Variants in USH2A observed in about 807,000 individuals in gnomAD.
The protein encoded by USH2A is usherin, also known as Usher syndrome 2A (autosomal recessive, mild).
In USH2A, 443 loss-of-function variants were observed where a neutral mutation model predicts 538.9. The observed-to-expected ratio is 0.82, with a 90% CI of 0.76 to 0.89. USH2A has a LOEUF of 0.89. Among genes scored for constraint, USH2A ranks in the 40% least tolerant of loss-of-function variants. The pLI, the probability that USH2A is intolerant of heterozygous loss-of-function variation, is 0.00. For missense variants in USH2A, 6,633 were observed against 6,324.8 expected (o/e 1.05, Z -1.65); for synonymous variants, 2,413 against 2,273.5 (o/e 1.06, Z -1.75).
At chr1:215,821,961 A>C (rs917995288) in intron 47 of USH2A, among the ~76,000 whole-genome samples, 13 of 151,752 alleles carry the variant, frequency 8.6e-5, no homozygotes, top group African/African-American at 2.9e-4. Flanking sequence ...TGGGTTCTCT[A>C]TTCTATTCCA....
intron 3 of USH2A, among the ~76,000 whole-genome samples, chr1:216,407,808 A>G (rs2039420453): frequency 6.6e-6 from 1 of 152,164 alleles, no homozygotes; most frequent in Non-Finnish European, 1.5e-5. Flanking sequence ...TGAAAATGAT[A>G]TAATATAAAT....
intron 38 of USH2A, among the ~76,000 whole-genome samples, chr1:215,905,111 C>A (rs564109726): frequency 6.6e-6 from 1 of 152,032 alleles, no homozygotes; most frequent in East Asian, 1.9e-4. Flanking sequence ...TTGCTCCCTG[C>A]AGATTTATAA....
chr1:216,044,698 C>T (rs1464699661), intron 32 of USH2A, among the ~76,000 whole-genome samples: 1 of 151,984 alleles, frequency 6.6e-6, no homozygotes, highest in Non-Finnish European at 1.5e-5. Flanking sequence ...CAAGTTAAAA[C>T]ACTTGTTTTT....
intron 49 of USH2A, among the ~76,000 whole-genome samples, chr1:215,812,764 A>G (rs1479054548): frequency 1.3e-5 from 2 of 152,194 alleles, no homozygotes; most frequent in African/African-American, 4.8e-5. Flanking sequence ...TGCAGGATAA[A>G]TTGTAACTGA....
chr1:216,179,196 G>A (rs965839017), intron 20 of USH2A, among the ~76,000 whole-genome samples: 3 of 151,946 alleles, frequency 2.0e-5, no homozygotes, highest in Admixed American at 1.3e-4. Context: ...CAAAAATTAC[G>A]TCTTAAACAG....
At chr1:215,773,671 A>G (rs1661369478) in intron 55 of USH2A, among the ~76,000 whole-genome samples, 1 of 152,014 alleles carries the variant, frequency 6.6e-6, no homozygotes, top group African/African-American at 2.4e-5. Context: ...CAGAGTATAT[A>G]CCCAGACAAC....
chr1:215,791,375 G>C (rs1006995601), intron 50 of USH2A, among the ~76,000 whole-genome samples: 21 of 151,986 alleles, frequency 1.4e-4, no homozygotes, highest in Admixed American at 7.9e-4. Flanking sequence ...GTTTAATCTG[G>C]TCCTGTGTAA....
chr1:215,837,948 C>T (rs1571735123), intron 47 of USH2A, 43 bp downstream of exon 47: 1 of 1,441,772 alleles, frequency 6.9e-7, no homozygotes, highest in East Asian at 2.3e-5. Flanking sequence ...TTCATTTCTT[C>T]TGATCAGAGT....
chr1:216,239,839 G>T (rs183919724), intron 13 of USH2A, among the ~76,000 whole-genome samples: 1 of 152,198 alleles, frequency 6.6e-6, no homozygotes, highest in Admixed American at 6.5e-5. Context: ...AAAATCAGCA[G>T]AATTGGTTTT....
At chr1:216,308,445 C>T (rs1558031313) in intron 9 of USH2A, among the ~76,000 whole-genome samples, 1 of 152,070 alleles carries the variant, frequency 6.6e-6, no homozygotes, top group African/African-American at 2.4e-5. Flanking sequence ...TAAAGTTGCA[C>T]ATGTCTTTAC....
chr1:216,322,612 A>T (rs2037640219), intron 8 of USH2A, among the ~76,000 whole-genome samples: 1 of 151,952 alleles, frequency 6.6e-6, no homozygotes, highest in African/African-American at 2.4e-5. Flanking sequence ...GTCAAAAAAA[A>T]AAAAAAAAGA....
intron 9 of USH2A, among the ~76,000 whole-genome samples, chr1:216,300,014 T>C (rs1354225944): frequency 6.6e-6 from 1 of 152,242 alleles, no homozygotes; most frequent in Non-Finnish European, 1.5e-5. Context: ...GAATACTTTG[T>C]AGTCTATTCT....
intron 47 of USH2A, among the ~76,000 whole-genome samples, chr1:215,837,631 C>A (rs1663568921): frequency 6.6e-6 from 1 of 151,794 alleles, no homozygotes; most frequent in South Asian, 2.1e-4. Context: ...GTATATAAAT[C>A]AATTTTTTTT....
At chr1:216,370,356 ATC>A (rs1276137196) in intron 3 of USH2A, among the ~76,000 whole-genome samples, 3 of 144,932 alleles carry the variant, frequency 2.1e-5, no homozygotes, top group African/African-American at 7.8e-5. Flanking sequence ...GTGAGACTCT[ATC>A]CAAAAAAAGA....
intron 11 of USH2A, among the ~76,000 whole-genome samples, chr1:216,268,248 TA>T (rs1297293404): frequency 6.6e-6 from 1 of 152,030 alleles, no homozygotes; most frequent in Non-Finnish European, 1.5e-5. Context: ...CTAAATGATA[TA>T]AATTCCTGGA....
intron 9 of USH2A, among the ~76,000 whole-genome samples, chr1:216,317,683 C>G (rs775785183): frequency 4.2e-5 from 6 of 142,166 alleles, no homozygotes; most frequent in Non-Finnish European, 9.3e-5. Context: ...CCCATCTCTA[C>G]AAAAAAAAAA....
intron 9 of USH2A, among the ~76,000 whole-genome samples, chr1:216,296,664 A>G (rs1380400592): frequency 6.6e-6 from 1 of 152,040 alleles, no homozygotes; most frequent in Non-Finnish European, 1.5e-5. Flanking sequence ...TTCAGAATTG[A>G]CTGTTAGGTG....
chr1:215,848,560 C>A (rs569542790), intron 44 of USH2A, among the ~76,000 whole-genome samples: 1 of 152,142 alleles, frequency 6.6e-6, no homozygotes, highest in Non-Finnish European at 1.5e-5. Context: ...GTATGCCAGT[C>A]CCTCTGAAAC....
chr1:216,062,346 G>A lies in USH2A; in HGVS notation c.6049+7755C>T, dbSNP rs151279503. ...CAGAAATCAAAGCAAGCTAGATGAG[G>A]AAAAAGGCAGATCATATCAAAGACT... On this transcript the variant is annotated intron_variant, in intron 30 of 71. Coordinates refer to ENST00000307340, the MANE Select transcript of USH2A (RefSeq NM_206933.4). Among the ~76,000 whole-genome samples, 307 of 152,140 alleles carry A rather than the reference G, an allele frequency of 2.0e-3. 2 individuals are homozygous for A. Among genetic ancestry groups the A allele is most frequent in the African/African-American group, 6.7e-3 (277 of 41,514 alleles).
Sources: gnomAD v4.1 joint callset for allele counts (sites outside exome capture counted in the v4.1 genomes callset) on GRCh38, gnomAD v4.1.1 for gene constraint, MANE v1.5 for transcripts, NCBI Gene and HGNC (gene_info 2026-07-23, HGNC 2026-07-21) for gene names.